The following SHISA9 variants were observed in gnomAD, a reference collection of about 807,000 sequenced individuals.
SHISA9 encodes shisa family member 9.
In SHISA9, 13 loss-of-function variants were observed where a neutral mutation model predicts 38.0. The observed-to-expected ratio is 0.34, with a 90% CI of 0.22 to 0.54. SHISA9 has a LOEUF of 0.54. Among genes scored for constraint, SHISA9 ranks in the 20% least tolerant of loss-of-function variants. The probability of loss-of-function intolerance (pLI) is 0.91; values close to 1 mark genes in which losing one functional copy is unlikely to be tolerated. For synonymous variants in SHISA9, 275 were observed against 242.0 expected (o/e 1.14, Z -1.27); for missense variants, 538 against 575.8 (o/e 0.93, Z 0.67).
At chr16:13,290,181 A>G in the SHISA9 span, among the ~76,000 whole-genome samples, 1 of 152,110 alleles carries the variant, frequency 6.6e-6, no homozygotes, top group Admixed American at 6.6e-5. Context: ...CTTTATTTCT[A>G]TGGTATTGTA....
chr16:13,317,939 G>A, the SHISA9 span, among the ~76,000 whole-genome samples: 4 of 151,232 alleles, frequency 2.6e-5, no homozygotes, highest in Admixed American at 6.6e-5. Context: ...TTGAAAATAT[G>A]TAATATCTGA....
chr16:13,381,964 CT>C, the SHISA9 span, among the ~76,000 whole-genome samples: 1 of 151,920 alleles, frequency 6.6e-6, no homozygotes, highest in Non-Finnish European at 1.5e-5. Flanking sequence ...TGAAAAAATG[CT>C]CAATCTGAGT....
chr16:13,079,811 G>C (rs1470046042), intron 2 of SHISA9, among the ~76,000 whole-genome samples: 1 of 151,972 alleles, frequency 6.6e-6, no homozygotes, highest in African/African-American at 2.4e-5. Flanking sequence ...TTGATTTCTG[G>C]GACAAAACTC....
At chr16:13,554,062 A>G in the SHISA9 span, among the ~76,000 whole-genome samples, 1 of 152,054 alleles carries the variant, frequency 6.6e-6, no homozygotes, top group African/African-American at 2.4e-5. Context: ...TTTTGGGGGG[A>G]AAGTAAAAAG....
the SHISA9 span, among the ~76,000 whole-genome samples, chr16:13,430,294 C>T: frequency 1.3e-5 from 2 of 152,102 alleles, no homozygotes; most frequent in Non-Finnish European, 2.9e-5. Flanking sequence ...TTGTGGGGAC[C>T]AGTGCAGGAG....
chr16:13,100,086 A>AC (rs1274114413), intron 2 of SHISA9, among the ~76,000 whole-genome samples: 2 of 152,230 alleles, frequency 1.3e-5, no homozygotes, highest in Non-Finnish European at 2.9e-5. Context: ...ACCTCCAGCC[A>AC]GTGGCTGTTA....
chr16:13,300,845 T>TCTCTCCTCTC, the SHISA9 span, among the ~76,000 whole-genome samples: 981 of 133,154 alleles, frequency 7.4e-3, 3 homozygotes, highest in Admixed American at 9.4e-3. Context: ...CCTCCCCTCT[T>TCTCTCCTCTC]CTCTCCTCTC....
chr16:13,398,010 G>A, the SHISA9 span, among the ~76,000 whole-genome samples: 2 of 152,190 alleles, frequency 1.3e-5, no homozygotes, highest in African/African-American at 4.8e-5. Context: ...GTGCTCCTCT[G>A]ACTGCCCTGG....
the SHISA9 span, among the ~76,000 whole-genome samples, chr16:13,467,110 C>T: frequency 1.3e-5 from 2 of 152,138 alleles, no homozygotes; most frequent in Non-Finnish European, 2.9e-5. Context: ...GTTGACTTGA[C>T]TGGATTGAAG....
the SHISA9 span, among the ~76,000 whole-genome samples, chr16:13,404,101 AT>A: frequency 6.6e-6 from 1 of 152,142 alleles, no homozygotes; most frequent in Admixed American, 6.6e-5. Context: ...TTCCTCTATT[AT>A]TTTGTTATTT....
intron 2 of SHISA9, among the ~76,000 whole-genome samples, chr16:12,928,694 A>G (rs1325269601): frequency 6.6e-6 from 1 of 152,222 alleles, no homozygotes; most frequent in Non-Finnish European, 1.5e-5. Flanking sequence ...TGAATTGCCT[A>G]CAACCCTTGA....
At chr16:13,415,059 C>T in the SHISA9 span, among the ~76,000 whole-genome samples, 1 of 152,188 alleles carries the variant, frequency 6.6e-6, no homozygotes, top group South Asian at 2.1e-4. Flanking sequence ...CTGTTGGATA[C>T]ATCTGATTGG....
the SHISA9 span, among the ~76,000 whole-genome samples, chr16:13,268,355 C>T: frequency 6.6e-6 from 1 of 152,084 alleles, no homozygotes; most frequent in Non-Finnish European, 1.5e-5. Flanking sequence ...CCAAAATATA[C>T]AAAAATTAGC....
At chr16:13,472,294 C>G in the SHISA9 span, among the ~76,000 whole-genome samples, 18 of 151,960 alleles carry the variant, frequency 1.2e-4, no homozygotes, top group Admixed American at 1.0e-3. Flanking sequence ...CTCCTCTGTC[C>G]CCTCATTTGG....
chr16:13,540,050 G>T, the SHISA9 span, among the ~76,000 whole-genome samples: 1 of 152,076 alleles, frequency 6.6e-6, no homozygotes, highest in African/African-American at 2.4e-5. Context: ...ATAGAATACT[G>T]TGATGAACAT....
intron 2 of SHISA9, among the ~76,000 whole-genome samples, chr16:12,948,670 G>T (rs916531430): frequency 1.3e-5 from 2 of 152,114 alleles, no homozygotes; most frequent in African/African-American, 4.8e-5. Flanking sequence ...GTCTCATACA[G>T]GCATTAATCC....
At chr16:12,922,223 T>G (rs1166909197) in intron 2 of SHISA9, among the ~76,000 whole-genome samples, 3 of 152,266 alleles carry the variant, frequency 2.0e-5, no homozygotes, top group South Asian at 4.1e-4. Flanking sequence ...AAGAGAGCTG[T>G]TTCCAAAATA....
At chr16:13,256,532 G>A in the SHISA9 span, among the ~76,000 whole-genome samples, 36 of 152,228 alleles carry the variant, frequency 2.4e-4, no homozygotes, top group African/African-American at 7.0e-4. Flanking sequence ...CGCCCACCTC[G>A]GCCTACTAAA....
chr16:13,492,901 T>C, the SHISA9 span, among the ~76,000 whole-genome samples: 1 of 152,266 alleles, frequency 6.6e-6, no homozygotes, highest in East Asian at 1.9e-4. Flanking sequence ...GGAAGGAGTT[T>C]AGTATGTTTG....
Sources: allele counts gnomAD v4.1 joint callset (sites outside exome capture counted in the v4.1 genomes callset), GRCh38; gene constraint gnomAD v4.1.1; transcripts MANE v1.5; gene names NCBI Gene and HGNC (gene_info 2026-07-23, HGNC 2026-07-21).